EBF1: variants seen among roughly 807,000 people sequenced by gnomAD.
EBF1 encodes EBF transcription factor 1.
EBF1 carries 10 observed loss-of-function variants against 68.4 expected under a neutral mutation model. The ratio of observed to expected loss-of-function variants is 0.15; its 90% CI spans 0.09 to 0.25. The LOEUF (loss-of-function observed/expected upper bound fraction) is 0.25. Ranked by LOEUF, EBF1 falls within the 10% of genes least tolerant of loss-of-function variation. The pLI, the probability that EBF1 is intolerant of heterozygous loss-of-function variation, is 1.00. For missense variants in EBF1, 509 were observed against 794.4 expected (o/e 0.64, Z 4.32); for synonymous variants, 298 against 299.8 (o/e 0.99, Z 0.06).
chr5:158,859,999 A>C (rs985766687), intron 6 of EBF1, among the ~76,000 whole-genome samples: 1 of 152,238 alleles, frequency 6.6e-6, no homozygotes, highest in South Asian at 2.1e-4. Flanking sequence ...CCGTTTGGTG[A>C]ATAAATGAAC....
chr5:158,954,992 T>A (rs1816772891), intron 6 of EBF1, among the ~76,000 whole-genome samples: 1 of 151,948 alleles, frequency 6.6e-6, no homozygotes, highest in Non-Finnish European at 1.5e-5. Flanking sequence ...GTGCCAAGCA[T>A]TTTTTTTCCC....
chr5:158,894,544 G>C (rs1457044818), intron 6 of EBF1, among the ~76,000 whole-genome samples: 1 of 152,098 alleles, frequency 6.6e-6, no homozygotes, highest in Non-Finnish European at 1.5e-5. Context: ...ATGCTAAAAA[G>C]GTCCCAATTA....
intron 6 of EBF1, among the ~76,000 whole-genome samples, chr5:159,044,426 A>G (rs1274147882): frequency 6.6e-6 from 1 of 152,198 alleles, no homozygotes; most frequent in East Asian, 1.9e-4. Flanking sequence ...ATATAATTAA[A>G]CAAACCAAAA....
At chr5:159,084,301 A>G (rs976596279) in intron 5 of EBF1, among the ~76,000 whole-genome samples, 9 of 152,198 alleles carry the variant, frequency 5.9e-5, no homozygotes, top group African/African-American at 2.2e-4. Context: ...TGCTGACATC[A>G]ATAGAACTCT....
rs1396010240 is a variant in EBF1, at chr5:158,956,726, A to ACTCC, written c.555-116620_555-116617dup. Among the ~76,000 whole-genome samples the ACTCC allele has an allele frequency of 3.5e-5, 5 of 142,296 alleles. No individual in the cohort carries two copies. In the Admixed American group the frequency reaches 3.5e-4, roughly 10 times the overall value. 93.4% of individuals were successfully genotyped at this position (142,296 alleles called of 152,430 possible). Reference sequence around the variant, plus strand: ...TTCTAGATGTTAAGCATGTACTACCACTCCCACTACCTCTGCCACCAACAC... The same window carrying ACTCC: ...TTCTAGATGTTAAGCATGTACTACCACTCCCTCCCACTACCTCTGCCACCAACAC... On this transcript the variant is annotated intron_variant, in intron 6 of 15. Coordinates refer to ENST00000313708, the MANE Select transcript of EBF1 (RefSeq NM_024007.5).
At chr5:159,077,642 T>G (rs1316516660) in intron 5 of EBF1, among the ~76,000 whole-genome samples, 1 of 152,124 alleles carries the variant, frequency 6.6e-6, no homozygotes, top group African/African-American at 2.4e-5. Context: ...GGAAATATTT[T>G]TTAAATGTAG....
At chr5:158,747,387 G>T (rs566666813) in intron 10 of EBF1, among the ~76,000 whole-genome samples, 19 of 152,232 alleles carry the variant, frequency 1.2e-4, no homozygotes, top group African/African-American at 4.3e-4. Context: ...TGCTAGTCTT[G>T]GGTGAAGGAT....
chr5:159,002,845 A>G (rs1267987329), intron 6 of EBF1, among the ~76,000 whole-genome samples: 1 of 152,238 alleles, frequency 6.6e-6, no homozygotes, highest in East Asian at 1.9e-4. Flanking sequence ...CTAAAATGTA[A>G]CAAGAATCAT....
chr5:158,731,188 T>G, intron 10 of EBF1, 31 bp from the exon 11 acceptor site: 1 of 1,603,352 alleles, frequency 6.2e-7, no homozygotes, highest in Middle Eastern at 1.7e-4. Flanking sequence ...AATTAGTACA[T>G]TTTCAAGAAA....
In EBF1 at chr5:158,919,768, G is replaced by C. The variant is rs74865779; in HGVS notation, c.555-79658C>G. ...CCAAATGCCAAGCACCATATGCATC[G>C]ATTATCTCATTTAATCCTCTCAAAA... On this transcript the variant is annotated intron_variant, in intron 6 of 15. Coordinates refer to ENST00000313708, the MANE Select transcript of EBF1 (RefSeq NM_024007.5). 6.4e-3 allele frequency among the ~76,000 whole-genome samples: 978 copies of C among 152,134 alleles called. 6 individuals carry two copies. The highest frequency in any genetic ancestry group is 0.022 in the African/African-American group (918 of 41,506).
At chr5:158,711,188 C>CA (rs1759186408) in intron 14 of EBF1, among the ~76,000 whole-genome samples, 1 of 151,596 alleles carries the variant, frequency 6.6e-6, no homozygotes, top group South Asian at 2.1e-4. Flanking sequence ...ACACCAAACA[C>CA]AAACAAAGGG....
chr5:158,975,253 C>T (rs1756490313), intron 6 of EBF1, among the ~76,000 whole-genome samples: 1 of 152,134 alleles, frequency 6.6e-6, no homozygotes, highest in South Asian at 2.1e-4. Context: ...TATCTCTTTC[C>T]ATAGTCCTGA....
chr5:158,750,111 G>A (rs1299944976), intron 10 of EBF1, among the ~76,000 whole-genome samples: 1 of 152,132 alleles, frequency 6.6e-6, no homozygotes, highest in African/African-American at 2.4e-5. Context: ...GAAAGGAGGT[G>A]CATCCAGGAA....
At chr5:158,877,412 G>A (rs1412660203) in intron 6 of EBF1, among the ~76,000 whole-genome samples, 6 of 151,972 alleles carry the variant, frequency 3.9e-5, no homozygotes, top group African/African-American at 9.7e-5. Context: ...GCTACATCTC[G>A]GCAAAAATTT....
intron 6 of EBF1, among the ~76,000 whole-genome samples, chr5:158,958,468 T>C (rs1311823364): frequency 6.6e-6 from 1 of 152,146 alleles, no homozygotes; most frequent in East Asian, 1.9e-4. Flanking sequence ...CTCATTTTTT[T>C]CTTCTTCAAA....
intron 6 of EBF1, among the ~76,000 whole-genome samples, chr5:158,965,203 CATATT>C (rs1753864113): frequency 1.3e-5 from 2 of 152,174 alleles, no homozygotes; most frequent in Admixed American, 1.3e-4. Flanking sequence ...GATCCACCTC[CATATT>C]ATACGGTGGT....
At chr5:158,749,588 T>A (rs1292786204) in intron 10 of EBF1, among the ~76,000 whole-genome samples, 1 of 152,138 alleles carries the variant, frequency 6.6e-6, no homozygotes, top group East Asian at 1.9e-4. Flanking sequence ...ACTGTGAAAG[T>A]GGGCTCTAGT....
intron 6 of EBF1, among the ~76,000 whole-genome samples, chr5:158,840,635 A>G (rs1451566151): frequency 7.0e-6 from 1 of 142,902 alleles, no homozygotes; most frequent in Non-Finnish European, 1.5e-5. Context: ...TGACTTCTCA[A>G]ATACCTCCTG....
At chr5:158,814,000 T>C (rs938909154) in intron 8 of EBF1, among the ~76,000 whole-genome samples, 1 of 152,074 alleles carries the variant, frequency 6.6e-6, no homozygotes, top group Admixed American at 6.5e-5. Flanking sequence ...GGCAAATCAA[T>C]GCAATTGGAA....
Sources: gnomAD v4.1 joint callset for allele counts (sites outside exome capture counted in the v4.1 genomes callset) on GRCh38, gnomAD v4.1.1 for gene constraint, MANE v1.5 for transcripts, NCBI Gene and HGNC (gene_info 2026-07-23, HGNC 2026-07-21) for gene names.